The following MROH9 variants were observed in gnomAD, a reference collection of about 807,000 sequenced individuals.
MROH9 encodes maestro heat like repeat family member 9, also known as maestro heat-like repeat-containing protein family member 9.
MROH9 carries 92 observed loss-of-function variants against 98.2 expected under a neutral mutation model. The observed-to-expected ratio is 0.94, with a 90% CI of 0.79 to 1.11. The LOEUF is 1.11. Ranked by LOEUF, MROH9 falls within the 50% of genes most tolerant of loss-of-function variation. The pLI, the probability that MROH9 is intolerant of heterozygous loss-of-function variation, is 0.00. For missense variants in MROH9, 1,057 were observed against 1,014.8 expected (o/e 1.04, Z -0.57); for synonymous variants, 397 against 368.9 (o/e 1.08, Z -0.87).
rs140236382 is a variant in MROH9, at chr1:171,054,320, A to C, written c.2282-7812A>C. Among the ~76,000 whole-genome samples, 216 of 152,318 alleles carry C rather than the reference A, an allele frequency of 1.4e-3. 8 individuals carry two copies. In the East Asian group the frequency reaches 0.038, roughly 27 times the overall value. On this transcript the variant is annotated intron_variant, in intron 20 of 21. Transcript: ENST00000367759. ...AACAAATTGTGCTGGGATAATTGGC[A>C]AGCCACATGTAGAAGAATGAAAAGT...
intron 20 of MROH9, among the ~76,000 whole-genome samples, chr1:171,055,107 G>C (rs984382107): frequency 5.3e-5 from 8 of 151,586 alleles, no homozygotes; most frequent in African/African-American, 1.9e-4. Flanking sequence ...TATAAAACTG[G>C]CCTAAATGTC....
At chr1:170,953,921 G>A (rs28638004) in intron 3 of MROH9, among the ~76,000 whole-genome samples, 6,172 of 151,116 alleles carry the variant, frequency 0.041, 382 homozygotes, top group African/African-American at 0.13. Flanking sequence ...AAGAAACACC[G>A]TGAAAAGAGT....
Position 170,942,228 on chromosome 1 carries a change from C to T in MROH9, c.-37-3292C>T, listed in dbSNP as rs1324900757. Among the ~76,000 whole-genome samples the T allele has an allele frequency of 2.0e-5, 3 of 152,010 alleles. No individual in the cohort carries two copies. In the East Asian group the frequency reaches 5.8e-4, roughly 29 times the overall value. ...ACACTTTCTACCTTGACTTTAGGGG[C>T]CTTCTGCAATTTGAGTCTAGTTACG... On this transcript the variant is annotated intron_variant, in intron 1 of 21. Coordinates refer to ENST00000367759, the MANE Select transcript of MROH9 (RefSeq NM_001163629.2).
intron 6 of MROH9, among the ~76,000 whole-genome samples, chr1:170,964,624 A>T (rs2294743): frequency 0.34 from 51,864 of 151,544 alleles, 9,565 homozygotes; most frequent in African/African-American, 0.49. Flanking sequence ...CAGATTTGAA[A>T]AAAAATTTGC....
chr1:171,007,686 C>T (rs1195044191), intron 15 of MROH9, among the ~76,000 whole-genome samples: 1 of 152,126 alleles, frequency 6.6e-6, no homozygotes, highest in East Asian at 1.9e-4. Flanking sequence ...TTGGCAGCTT[C>T]CTTGGCAGGC....
intron 20 of MROH9, among the ~76,000 whole-genome samples, chr1:171,045,723 T>G (rs1477234693): frequency 6.6e-6 from 1 of 152,204 alleles, no homozygotes; most frequent in Non-Finnish European, 1.5e-5. Flanking sequence ...ACAGTCTATC[T>G]GTAAAAAATA....
chr1:171,005,003 AAAAC>A (rs1651908935), intron 15 of MROH9, among the ~76,000 whole-genome samples: 1 of 151,726 alleles, frequency 6.6e-6, no homozygotes, highest in African/African-American at 2.4e-5. Flanking sequence ...CTATTTCTGT[AAAAC>A]AAGCCATTGG....
At chr1:171,022,904 G>A (rs1002509634) in intron 17 of MROH9, among the ~76,000 whole-genome samples, 4 of 152,056 alleles carry the variant, frequency 2.6e-5, no homozygotes, top group Non-Finnish European at 4.4e-5. Flanking sequence ...AGAAACTAAG[G>A]CAAAGAGAAG....
At chr1:170,983,288 T>C (rs1651003091) in intron 8 of MROH9, 134 bp from the exon 9 acceptor site, 7 of 611,768 alleles carry the variant, frequency 1.1e-5, no homozygotes, top group South Asian at 1.1e-4. Context: ...GACTAAACTA[T>C]GAGCAGAGAG....
chr1:170,942,946 G>C (rs947434571), intron 1 of MROH9, among the ~76,000 whole-genome samples: 3 of 151,988 alleles, frequency 2.0e-5, no homozygotes, highest in Non-Finnish European at 2.9e-5. Flanking sequence ...AAAATAGTTG[G>C]GGAAAAGTAA....
chr1:170,978,231 T>A (rs1650792234), intron 8 of MROH9, among the ~76,000 whole-genome samples: 1 of 152,012 alleles, frequency 6.6e-6, no homozygotes, highest in Non-Finnish European at 1.5e-5. Flanking sequence ...GCTCTCCAGG[T>A]GGAAAGATTG....
intron 17 of MROH9, 48 bp downstream of exon 17, chr1:171,016,384 C>A: frequency 7.5e-7 from 1 of 1,329,294 alleles, no homozygotes; most frequent in South Asian, 2.1e-5. Context: ...TTGTGGTTCA[C>A]CTGAAACTCA....
chr1:171,047,662 G>A (rs1227438115), intron 20 of MROH9, among the ~76,000 whole-genome samples: 1 of 152,116 alleles, frequency 6.6e-6, no homozygotes, highest in Non-Finnish European at 1.5e-5. Context: ...GGTCCATGGT[G>A]CCTTATTTAG....
At position 170,990,013 on chromosome 1, in the gene MROH9, CCCAA is replaced by C; in HGVS notation, c.1028+13_1028+16del. On this transcript the variant is annotated intron_variant, in intron 11 of 21. Transcript: ENST00000367759. The stretch of plus-strand genomic sequence containing the variant: ...CAGTTCCAGCAGACGAGTAAGGCCC[CCCAA>C]CCCTCTGTCCCTTCCACAAGGGCTT... 1 of 1,606,910 alleles carries C rather than the reference CCCAA, an allele frequency of 6.2e-7. No homozygotes were observed. Among genetic ancestry groups the C allele is most frequent in the Non-Finnish European group, 8.5e-7 (1 of 1,175,272 alleles).
At chr1:171,047,690 T>A (rs1004264480) in intron 20 of MROH9, among the ~76,000 whole-genome samples, 1 of 152,174 alleles carries the variant, frequency 6.6e-6, no homozygotes, top group African/African-American at 2.4e-5. Context: ...AGTGAGGTCA[T>A]GTTTTCCTGA....
At chr1:171,040,421 T>C (rs934560554) in intron 20 of MROH9, among the ~76,000 whole-genome samples, 1 of 152,118 alleles carries the variant, frequency 6.6e-6, no homozygotes, top group Admixed American at 6.6e-5. Context: ...TTTGTGTGTG[T>C]TACACACAAA....
At chr1:171,016,590 T>C (rs765686433) in intron 17 of MROH9, among the ~76,000 whole-genome samples, 3 of 152,130 alleles carry the variant, frequency 2.0e-5, no homozygotes, top group Non-Finnish European at 4.4e-5. Context: ...TGTGGCTATA[T>C]ACTGATTAAC....
At chr1:170,942,406 C>T (rs891129863) in intron 1 of MROH9, among the ~76,000 whole-genome samples, 5 of 137,842 alleles carry the variant, frequency 3.6e-5, no homozygotes, top group African/African-American at 1.3e-4. Flanking sequence ...CACACACACA[C>T]ACACCCTCAG....
At chr1:170,968,294 T>A (rs574878716) in intron 7 of MROH9, among the ~76,000 whole-genome samples, 2 of 152,334 alleles carry the variant, frequency 1.3e-5, no homozygotes, top group African/African-American at 4.8e-5. Flanking sequence ...CGCATTCCTC[T>A]TGACACACAT....
Sources: gnomAD v4.1 joint callset for allele counts (sites outside exome capture counted in the v4.1 genomes callset) on GRCh38, gnomAD v4.1.1 for gene constraint, MANE v1.5 for transcripts, NCBI Gene and HGNC (gene_info 2026-07-23, HGNC 2026-07-21) for gene names.